CD320: variants seen among roughly 807,000 people sequenced by gnomAD.
CD320 encodes the protein CD320 antigen.
In CD320, 16 loss-of-function variants were observed where a neutral mutation model predicts 22.1. That is an observed-to-expected ratio of 0.73 (90% CI 0.49 to 1.10). The LOEUF (loss-of-function observed/expected upper bound fraction) is 1.10. Ranked by LOEUF, CD320 falls within the 50% of genes least tolerant of loss-of-function variation. The pLI, the probability that CD320 is intolerant of heterozygous loss-of-function variation, is 0.00. For synonymous variants in CD320, 188 were observed against 167.8 expected (o/e 1.12, Z -0.93); for missense variants, 388 against 376.9 (o/e 1.03, Z -0.24).
chr19:8,303,350 CA>C (rs112869145), intron 3 of CD320, among the ~76,000 whole-genome samples: 3,404 of 152,264 alleles, frequency 0.022, 178 homozygotes, highest in South Asian at 0.17. Flanking sequence ...CACCTCACCT[CA>C]GGTGATCTGC....
In CD320 at chr19:8,308,216, G is replaced by T. The variant is rs371432802; in HGVS notation, c.75C>A (p.Leu25=). 133 of 1,575,200 alleles carry T rather than the reference G, an allele frequency of 8.4e-5. No individual in the cohort carries two copies. The highest frequency in any genetic ancestry group is 1.1e-4 in the Non-Finnish European group (123 of 1,167,648). ...GALGLALLLL[L]GLGLGLEAAA... is the part of the protein sequence containing the mutation. ...CGGCCTCCAGGCCTAGTCCGAGGCC[G>T]AGCAGCAGCAGCAGCGCCAGGCCCA... The change falls in exon 1 of 5, where the codon CTC becomes CTA. Residue 25 remains leucine (L), a synonymous_variant. Transcript: ENST00000301458.
At chr19:8,303,168 G>C (rs545302587) in intron 3 of CD320, among the ~76,000 whole-genome samples, 188 bp from the exon 4 acceptor site, 1 of 149,922 alleles carries the variant, frequency 6.7e-6, no homozygotes, top group African/African-American at 2.5e-5. Context: ...CCAGGCTGGA[G>C]TGCAGTGGCG....
intron 1 of CD320, among the ~76,000 whole-genome samples, chr19:8,307,193 G>T (rs1970101287): frequency 6.6e-6 from 1 of 151,750 alleles, no homozygotes; most frequent in African/African-American, 2.4e-5. Context: ...TCGGGAGGCT[G>T]AGGCATGAGA....
rs1280654717 is a variant in CD320 at position 8,304,805 on chromosome 19, G to C, written c.268+226C>G. 5 of 527,092 alleles carry C rather than the reference G, an allele frequency of 9.5e-6. No homozygotes were observed. In the Admixed American group the frequency reaches 1.2e-4, roughly 12 times the overall value. The allele number at this position is 527,092 out of a possible 1,614,324, so 32.7% of individuals were successfully genotyped here. On this transcript the variant is annotated intron_variant, in intron 2 of 4. Transcript: ENST00000301458. ...GGCAACCTCCCAGGATCAAGTGATCGATCCTCCCACCCTAGCCTCCCAAAG... is the reference window on the plus strand; with the variant it reads ...GGCAACCTCCCAGGATCAAGTGATCCATCCTCCCACCCTAGCCTCCCAAAG...
intron 3 of CD320, among the ~76,000 whole-genome samples, chr19:8,303,289 G>T (rs529751610): frequency 6.6e-6 from 1 of 152,062 alleles, no homozygotes; most frequent in Non-Finnish European, 1.5e-5. Context: ...GCTAACTTTT[G>T]TATTTTTAGT....
intron 3 of CD320, 103 bp from the exon 4 acceptor site, chr19:8,303,083 G>A (rs1228499384): frequency 2.3e-6 from 2 of 852,536 alleles, no homozygotes; most frequent in Non-Finnish European, 3.7e-6. Flanking sequence ...AACCAACCAG[G>A]CTGGGTGAAG....
intron 1 of CD320, 173 bp from the exon 2 acceptor site, chr19:8,305,329 C>T: frequency 2.7e-6 from 2 of 734,594 alleles, no homozygotes; most frequent in Non-Finnish European, 4.4e-6. Flanking sequence ...CAGAGTGTAG[C>T]AGTTCCTGGG....
At chr19:8,307,406 G>C (rs1970107365) in intron 1 of CD320, among the ~76,000 whole-genome samples, 1 of 152,136 alleles carries the variant, frequency 6.6e-6, no homozygotes, top group Admixed American at 6.5e-5. Flanking sequence ...GATGAGTCCA[G>C]GGACCTAGAA....
At chr19:8,305,473 C>G (rs750949762) in intron 1 of CD320, 3 of 326,902 alleles carry the variant, frequency 9.2e-6, no homozygotes, top group Non-Finnish European at 1.8e-5. Flanking sequence ...TTTGGCAGGC[C>G]GAGGCAGGTG....
rs528401782 is a variant in CD320, at chr19:8,302,746, C to A, written c.706+31G>T. ...TCCCCTGAATCCCCGGAGCTCTAAG[C>A]CCCCAGCATGGGAGGGTAAGTCCCT... is the stretch of plus-strand genomic sequence containing the variant. On this transcript the variant is annotated intron_variant, in intron 4 of 4. Coordinates refer to ENST00000301458, the MANE Select transcript of CD320 (RefSeq NM_016579.4). The A allele has an allele frequency of 1.9e-5, 31 of 1,612,002 alleles. No individual in the cohort carries two copies. In the South Asian group the frequency reaches 2.5e-4, roughly 13 times the overall value.
At chr19:8,303,762 G>C in intron 3 of CD320, 93 bp downstream of exon 3, 1 of 831,672 alleles carries the variant, frequency 1.2e-6, no homozygotes, top group Non-Finnish European at 2.0e-6. Flanking sequence ...ACGGGCAAAG[G>C]CATGTGTCCA....
In CD320 at chr19:8,306,653, C is replaced by T. The variant is rs565921766; in HGVS notation, c.142+1496G>A. Among the ~76,000 whole-genome samples, 4 of 152,366 alleles carry T rather than the reference C, an allele frequency of 2.6e-5. 1 individual carries two copies. In the South Asian group the frequency reaches 8.3e-4, roughly 32 times the overall value. ...CCACTGCCAGCCCCTCCTCGGCCTT[C>T]AGGCCTAATTGCACCTACTTGCCAC... is the stretch of plus-strand genomic sequence containing the variant. On this transcript the variant is annotated intron_variant, in intron 1 of 4. Transcript: ENST00000301458.
intron 3 of CD320, 34 bp from the exon 4 acceptor site, chr19:8,303,014 G>A: frequency 6.3e-7 from 1 of 1,591,612 alleles, no homozygotes; most frequent in Non-Finnish European, 8.6e-7. Context: ...TAGTTGAGGA[G>A]AGAGCACTGA....
In CD320 at chr19:8,305,065, C is replaced by T. The variant is rs1270516786; in HGVS notation, c.234G>A (p.Leu78=). ...CCTCATCGCTGCCATCGCTGCAGTC[C>T]AAGTCCCTGTCGCAGCGCCAGGTGA... The part of the protein sequence containing the change: ...VPLTWRCDRD[L]DCSDGSDEEE... Residue 78 remains leucine, a synonymous_variant, in exon 2 of 5, where the codon TTG becomes TTA. Transcript: ENST00000301458. 3 of 1,611,784 alleles carry T rather than the reference C, an allele frequency of 1.9e-6. No homozygotes were observed. The highest frequency in any genetic ancestry group is 1.7e-4 in the Middle Eastern group (1 of 5,960).
At chr19:8,304,167 G>T in intron 2 of CD320, 79 bp from the exon 3 acceptor site, 1 of 754,494 alleles carries the variant, frequency 1.3e-6, no homozygotes, top group Non-Finnish European at 2.3e-6. Flanking sequence ...TCCCCTGCAA[G>T]CCCCACCCTC....
chr19:8,305,563 G>A (rs554538456), intron 1 of CD320: 7 of 244,438 alleles, frequency 2.9e-5, no homozygotes, highest in African/African-American at 4.4e-5. Context: ...AAAATTAGCC[G>A]GGCGTGGTAG....
Position 8,302,919 on chromosome 19 carries a change from C to G in CD320, c.564G>C (p.Glu188Asp). 1 of 1,613,932 alleles carries G rather than the reference C, an allele frequency of 6.2e-7. No individual in the cohort carries two copies. The highest frequency in any genetic ancestry group is 8.5e-7 in the Non-Finnish European group (1 of 1,179,944). ...TGGCATTCCTGAGAGAGGTGACACT[C>G]TCCAGGGTCACAGGGGGCCCCATGG... ...ATTMGPPVTL[E>D]SVTSLRNATT... Residue 188 changes from glutamate to aspartate, a missense_variant, in exon 4 of 5, where the codon GAG (glutamate) becomes GAC (aspartate). Transcript: ENST00000301458.
Position 8,304,034 on chromosome 19 carries a change from C to A in CD320, c.323G>T (p.Cys108Phe). Residue 108 changes from cysteine (C) to phenylalanine (F), a missense_variant, in exon 3 of 5, where the codon TGC (cysteine) becomes TTC (phenylalanine). By Grantham distance (205) the Cys-to-Phe change is radical (BLOSUM62 -2). Transcript: ENST00000301458. ...GQCPPPPGLP[C>F]PCTGVSDCSG... Reference sequence around the variant, plus strand: ...GCAGTCACTGACGCCGGTGCAGGGGCAGGGGAGGCCAGGGGGCGGTGGGCA... The same window carrying A: ...GCAGTCACTGACGCCGGTGCAGGGGAAGGGGAGGCCAGGGGGCGGTGGGCA... The A allele has an allele frequency of 6.4e-7, 1 of 1,560,164 alleles. No individual in the cohort carries two copies. The highest frequency in any genetic ancestry group is 8.7e-7 in the Non-Finnish European group (1 of 1,151,300).
chr19:8,302,238 G>A lies in CD320; in HGVS notation c.*225C>T, dbSNP rs779932170. Reference sequence around the variant, plus strand: ...GCCTGGGGCCAGCCCCTCAGTTCTGGCTGTGGCAGGTTCCCCATCCTAGCT... The same window carrying A: ...GCCTGGGGCCAGCCCCTCAGTTCTGACTGTGGCAGGTTCCCCATCCTAGCT... On this transcript the variant is annotated 3_prime_UTR_variant, in exon 5 of 5. Coordinates refer to ENST00000301458, the MANE Select transcript of CD320 (RefSeq NM_016579.4). The A allele has an allele frequency of 7.2e-6, 5 of 696,052 alleles. No homozygotes were observed. The highest frequency in any genetic ancestry group is 6.0e-5 in the South Asian group (4 of 66,996). 43.1% of individuals were successfully genotyped at this position (696,052 alleles called of 1,614,324 possible).
Sources: gnomAD v4.1 joint callset for allele counts (sites outside exome capture counted in the v4.1 genomes callset) on GRCh38, gnomAD v4.1.1 for gene constraint, MANE v1.5 for transcripts, NCBI Gene and HGNC (gene_info 2026-07-23, HGNC 2026-07-21) for gene names.